NAV3: variants seen among roughly 807,000 people sequenced by gnomAD.
NAV3 encodes the protein pore membrane and/or filament interacting like protein 1.
In NAV3, 87 loss-of-function variants were observed where a neutral mutation model predicts 244.7. The ratio of observed to expected loss-of-function variants is 0.36; its 90% CI spans 0.30 to 0.42. The LOEUF is 0.42. Among genes scored for constraint, NAV3 ranks in the 20% least tolerant of loss-of-function variants. The probability of loss-of-function intolerance (pLI) is 1.00; values close to 1 mark genes in which losing one functional copy is unlikely to be tolerated. For missense variants in NAV3, 2,663 were observed against 2,893.3 expected (o/e 0.92, Z 1.83); for synonymous variants, 1,126 against 1,042.2 (o/e 1.08, Z -1.55).
intron 2 of NAV3, among the ~76,000 whole-genome samples, chr12:77,763,419 G>A (rs888252734): frequency 1.3e-5 from 2 of 152,144 alleles, no homozygotes; most frequent in African/African-American, 4.8e-5. Flanking sequence ...GGGGCTCACA[G>A]GATAAAGAAT....
intron 2 of NAV3, among the ~76,000 whole-genome samples, chr12:77,611,288 T>A (rs971336575): frequency 6.6e-6 from 1 of 152,008 alleles, no homozygotes; most frequent in African/African-American, 2.4e-5. Context: ...TTATCTTTTC[T>A]TGTTGTCAGA....
chr12:78,148,834 G>T lies in NAV3; in HGVS notation c.4708-8G>T. 6.2e-7 allele frequency: 1 copy of T among 1,608,270 alleles called. No homozygotes were observed. The highest frequency in any genetic ancestry group is 8.5e-7 in the Non-Finnish European group (1 of 1,177,268). ...GCCTATTCCATTGATTTTTTTAATT[G>T]CATTCAGCAAATCCATAAACTGCGG... On this transcript the variant is annotated splice_polypyrimidine_tract_variant and splice_region_variant and intron_variant, in intron 21 of 39. Transcript: ENST00000397909.
intron 9 of NAV3, among the ~76,000 whole-genome samples, chr12:78,043,587 G>C (rs1302209263): frequency 6.6e-6 from 1 of 152,092 alleles, no homozygotes; most frequent in Non-Finnish European, 1.5e-5. Flanking sequence ...AACCTCTCTA[G>C]CATCTGTTGT....
intron 2 of NAV3, among the ~76,000 whole-genome samples, chr12:77,787,051 T>C (rs779819212): frequency 7.2e-5 from 11 of 152,020 alleles, no homozygotes; most frequent in Admixed American, 4.6e-4. Context: ...TCTGATATCC[T>C]GAGGTTGAAG....
intron 9 of NAV3, among the ~76,000 whole-genome samples, chr12:78,049,728 C>A (rs1231378960): frequency 6.6e-6 from 1 of 150,702 alleles, no homozygotes; most frequent in African/African-American, 2.5e-5. Flanking sequence ...AGCATATTTC[C>A]AAGTGATTTT....
chr12:77,798,225 A>G (rs1871527646), intron 2 of NAV3, among the ~76,000 whole-genome samples: 1 of 152,038 alleles, frequency 6.6e-6, no homozygotes, highest in African/African-American at 2.4e-5. Context: ...AAAACAAATG[A>G]CTTTGTTTGA....
intron 1 of NAV3, among the ~76,000 whole-genome samples, chr12:77,934,252 T>C (rs530732751): frequency 2.6e-5 from 4 of 152,252 alleles, no homozygotes; most frequent in African/African-American, 7.2e-5. Flanking sequence ...ATTCCTGTCA[T>C]ACATAACTTG....
At chr12:77,814,648 C>A (rs149276410) in intron 2 of NAV3, among the ~76,000 whole-genome samples, 1 of 152,112 alleles carries the variant, frequency 6.6e-6, no homozygotes, top group Non-Finnish European at 1.5e-5. Context: ...CTTAATAGCA[C>A]AGGCCTACTT....
At chr12:77,998,577 G>A (rs1872735903) in intron 7 of NAV3, 101 bp downstream of exon 7, 7 of 1,273,234 alleles carry the variant, frequency 5.5e-6, no homozygotes, top group Non-Finnish European at 7.4e-6. Context: ...TGGGCCTAGA[G>A]ATGTTATCAG....
intron 12 of NAV3, among the ~76,000 whole-genome samples, chr12:78,103,403 C>A (rs1326995677): frequency 6.6e-6 from 1 of 152,158 alleles, no homozygotes; most frequent in Non-Finnish European, 1.5e-5. Context: ...TTTGTCAAAG[C>A]CATTCAACAA....
intron 12 of NAV3, among the ~76,000 whole-genome samples, chr12:78,098,997 C>T (rs1350341854): frequency 6.7e-6 from 1 of 148,772 alleles, no homozygotes; most frequent in Non-Finnish European, 1.5e-5. Flanking sequence ...ATATGGGTGG[C>T]AGGAATTGAA....
chr12:77,957,212 C>T (rs1472215944), intron 3 of NAV3, among the ~76,000 whole-genome samples: 1 of 152,132 alleles, frequency 6.6e-6, no homozygotes, highest in Non-Finnish European at 1.5e-5. Context: ...TTTTCTGTCT[C>T]CTCAGCTATT....
intron 5 of NAV3, among the ~76,000 whole-genome samples, chr12:77,981,740 C>T (rs1441558480): frequency 6.6e-6 from 1 of 151,806 alleles, no homozygotes; most frequent in Non-Finnish European, 1.5e-5. Flanking sequence ...AAAACTCAAA[C>T]CCAAGAAATG....
At chr12:77,729,375 G>A (rs1321770924) in intron 2 of NAV3, among the ~76,000 whole-genome samples, 1 of 151,888 alleles carries the variant, frequency 6.6e-6, no homozygotes, top group African/African-American at 2.4e-5. Flanking sequence ...CATACTTGAA[G>A]AGTGAAGGGA....
chr12:78,134,000 A>G (rs1031186648), intron 18 of NAV3, among the ~76,000 whole-genome samples: 2 of 152,162 alleles, frequency 1.3e-5, no homozygotes, highest in East Asian at 1.9e-4. Flanking sequence ...CATGATAACA[A>G]TCGCTCAGAT....
At chr12:78,179,276 A>G in intron 28 of NAV3, 4 of 339,644 alleles carry the variant, frequency 1.2e-5, no homozygotes, top group Non-Finnish European at 1.1e-5. Context: ...ATTACTTTAT[A>G]TTCAGTAAGA....
At chr12:78,001,301 A>G (rs1873255714) in intron 7 of NAV3, among the ~76,000 whole-genome samples, 1 of 152,176 alleles carries the variant, frequency 6.6e-6, no homozygotes, top group Non-Finnish European at 1.5e-5. Context: ...TAAATTAATA[A>G]CAAGATCTTT....
At chr12:78,183,274 T>C (rs537857276) in intron 30 of NAV3, among the ~76,000 whole-genome samples, 1 of 152,106 alleles carries the variant, frequency 6.6e-6, no homozygotes, top group Admixed American at 6.6e-5. Context: ...TTCTCTGAAC[T>C]GGGGAGATTC....
At chr12:77,834,801 A>G (rs1360693635) in intron 1 of NAV3, among the ~76,000 whole-genome samples, 1 of 152,220 alleles carries the variant, frequency 6.6e-6, no homozygotes, top group Non-Finnish European at 1.5e-5. Context: ...TTTCAAACAA[A>G]TGTAAAGAAT....
Sources: gnomAD v4.1 joint callset for allele counts (sites outside exome capture counted in the v4.1 genomes callset) on GRCh38, gnomAD v4.1.1 for gene constraint, MANE v1.5 for transcripts, NCBI Gene and HGNC (gene_info 2026-07-23, HGNC 2026-07-21) for gene names.